The following TRAPPC9 variants were observed in gnomAD, a reference collection of about 807,000 sequenced individuals.
TRAPPC9 encodes trafficking protein particle complex subunit 9, also known as IKK2 binding protein.
TRAPPC9 carries 83 observed loss-of-function variants against 124.0 expected under a neutral mutation model. The ratio of observed to expected loss-of-function variants is 0.67; its 90% CI spans 0.56 to 0.80. The LOEUF is 0.80. Among genes scored for constraint, TRAPPC9 ranks in the 30% least tolerant of loss-of-function variants. The pLI is 0.00. For synonymous variants in TRAPPC9, 638 were observed against 617.5 expected (o/e 1.03, Z -0.49); for missense variants, 1,302 against 1,508.3 (o/e 0.86, Z 2.27).
chr8:140,278,486 T>C (rs1202794556), intron 14 of TRAPPC9, among the ~76,000 whole-genome samples: 12 of 152,314 alleles, frequency 7.9e-5, no homozygotes, highest in African/African-American at 2.4e-4. Context: ...TAAGTATGTA[T>C]TGAACAAATT....
At chr8:140,313,853 C>A (rs1036294574) in intron 9 of TRAPPC9, among the ~76,000 whole-genome samples, 2 of 152,148 alleles carry the variant, frequency 1.3e-5, no homozygotes, top group African/African-American at 4.8e-5. Flanking sequence ...ATGGGGGTTG[C>A]TTCTTGGCTT....
chr8:139,794,336 C>G (rs1025832370), intron 21 of TRAPPC9, among the ~76,000 whole-genome samples: 1 of 152,228 alleles, frequency 6.6e-6, no homozygotes, highest in Non-Finnish European at 1.5e-5. Context: ...CTAGCTGAAC[C>G]TCAGGTACTC....
intron 17 of TRAPPC9, among the ~76,000 whole-genome samples, chr8:140,169,593 AGAAG>A (rs972671748): frequency 3.3e-5 from 5 of 152,182 alleles, no homozygotes; most frequent in African/African-American, 1.2e-4. Context: ...TCCAGCCACG[AGAAG>A]GAAGGAAGCA....
intron 21 of TRAPPC9, among the ~76,000 whole-genome samples, chr8:139,775,312 A>G (rs536739693): frequency 1.4e-4 from 21 of 152,308 alleles, no homozygotes; most frequent in African/African-American, 5.1e-4. Context: ...AAAGCAAACT[A>G]GATGAGAATA....
chr8:140,277,203 G>T (rs1344113239), intron 14 of TRAPPC9, among the ~76,000 whole-genome samples: 10 of 152,242 alleles, frequency 6.6e-5, no homozygotes, highest in Admixed American at 6.5e-4. Context: ...CCAAGCTCAT[G>T]GTGCCGGGCA....
intron 17 of TRAPPC9, among the ~76,000 whole-genome samples, chr8:140,083,912 G>A (rs1209214076): frequency 2.0e-5 from 3 of 152,170 alleles, no homozygotes; most frequent in East Asian, 1.9e-4. Flanking sequence ...TGATCCGCCC[G>A]TCTCAGCCTC....
At chr8:139,926,890 A>G (rs995690766) in intron 19 of TRAPPC9, among the ~76,000 whole-genome samples, 9 of 150,518 alleles carry the variant, frequency 6.0e-5, no homozygotes, top group African/African-American at 1.2e-4. Context: ...CAAGACTGGG[A>G]AAAAAAAATC....
chr8:140,264,079 T>C (rs1259696493), intron 15 of TRAPPC9, among the ~76,000 whole-genome samples: 1 of 152,198 alleles, frequency 6.6e-6, no homozygotes, highest in African/African-American at 2.4e-5. Context: ...GCCGTGATTA[T>C]TTTTAAGAAA....
chr8:140,410,810 T>C (rs946771573), intron 5 of TRAPPC9, among the ~76,000 whole-genome samples: 2 of 151,516 alleles, frequency 1.3e-5, no homozygotes, highest in Admixed American at 6.6e-5. Context: ...ACCACTGCAT[T>C]CTAGCCTGGG....
At chr8:140,371,676 C>T (rs1056272488) in intron 7 of TRAPPC9, among the ~76,000 whole-genome samples, 2 of 152,278 alleles carry the variant, frequency 1.3e-5, no homozygotes, top group African/African-American at 4.8e-5. Flanking sequence ...TCCCAACAAC[C>T]CTGTAGTGTA....
chr8:140,016,912 GT>G (rs1291243193), intron 18 of TRAPPC9, among the ~76,000 whole-genome samples: 1 of 152,176 alleles, frequency 6.6e-6, no homozygotes, highest in Non-Finnish European at 1.5e-5. Flanking sequence ...CCCAGAAGCA[GT>G]TTATGTGAAT....
intron 9 of TRAPPC9, among the ~76,000 whole-genome samples, chr8:140,333,130 A>AC (rs2066938864): frequency 6.6e-6 from 1 of 151,854 alleles, no homozygotes; most frequent in African/African-American, 2.4e-5. Flanking sequence ...TGTCTCAAAA[A>AC]AAAAAAAGAG....
chr8:140,397,310 G>C (rs1441384329), intron 7 of TRAPPC9, among the ~76,000 whole-genome samples: 1 of 152,154 alleles, frequency 6.6e-6, no homozygotes, highest in East Asian at 1.9e-4. Context: ...AGTACTTCAT[G>C]AGTGACAATA....
chr8:139,929,474 GC>G (rs1189457042), intron 19 of TRAPPC9, among the ~76,000 whole-genome samples: 18 of 152,038 alleles, frequency 1.2e-4, no homozygotes, highest in African/African-American at 3.9e-4. Flanking sequence ...GGTGGCTCAC[GC>G]CTGTAATCCC....
At chr8:140,117,343 A>G (rs1157097036) in intron 17 of TRAPPC9, among the ~76,000 whole-genome samples, 1 of 152,210 alleles carries the variant, frequency 6.6e-6, no homozygotes, top group African/African-American at 2.4e-5. Flanking sequence ...GGAAACAACA[A>G]TAAGGTAATT....
chr8:140,018,324 A>ATTTTTTCTTTTTTT (rs765656679), intron 18 of TRAPPC9, among the ~76,000 whole-genome samples: 3,005 of 119,344 alleles, frequency 0.025, 584 homozygotes, highest in Middle Eastern at 0.037. Context: ...AACGTAAGTG[A>ATTTTTTCTTTTTTT]TTTTTTTTTT....
chr8:140,284,105 G>T, intron 13 of TRAPPC9, 84 bp from the exon 14 acceptor site: 1 of 1,578,920 alleles, frequency 6.3e-7, no homozygotes, highest in South Asian at 1.1e-5. Context: ...AAGAGTACGG[G>T]GCTCCTCTTC....
chr8:139,866,840 G>A (rs911353709), intron 21 of TRAPPC9, among the ~76,000 whole-genome samples: 4 of 152,114 alleles, frequency 2.6e-5, no homozygotes, highest in African/African-American at 9.7e-5. Context: ...GAATGCTTGG[G>A]AACAGCAACA....
At chr8:139,769,987 C>A (rs1341156973) in intron 21 of TRAPPC9, among the ~76,000 whole-genome samples, 1 of 152,208 alleles carries the variant, frequency 6.6e-6, no homozygotes, top group Non-Finnish European at 1.5e-5. Flanking sequence ...GAACTGGGGG[C>A]ACGGGGCAGG....
Sources: gnomAD v4.1 joint callset for allele counts (sites outside exome capture counted in the v4.1 genomes callset) on GRCh38, gnomAD v4.1.1 for gene constraint, MANE v1.5 for transcripts, NCBI Gene and HGNC (gene_info 2026-07-23, HGNC 2026-07-21) for gene names.